Variants in HK1 observed in about 807,000 individuals in gnomAD.
HK1 encodes hexokinase 1, also known as hexokinase-1.
A neutral mutation model predicts 91.6 loss-of-function variants in HK1; 28 were observed. The observed-to-expected ratio is 0.31, with a 90% CI of 0.23 to 0.42. HK1 has a LOEUF of 0.42. Ranked by LOEUF, HK1 falls within the 10% of genes least tolerant of loss-of-function variation. The pLI is 1.00. For synonymous variants in HK1, 430 were observed against 468.1 expected, an observed-to-expected ratio of 0.92 and a Z score of 1.05; for missense variants, 770 against 1,219.8, an observed-to-expected ratio of 0.63 and a Z score of 5.49.
At chr10:69,386,540 T>G in intron 13 of HK1, 122 bp downstream of exon 13, 1 of 715,302 alleles carries the variant, frequency 1.4e-6, no homozygotes, top group South Asian at 1.5e-5. Flanking sequence ...TCCCAGCACT[T>G]TGGGAGGCCG....
chr10:69,335,113 T>A (rs1445939480), intron 1 of HK1, among the ~76,000 whole-genome samples: 1 of 152,090 alleles, frequency 6.6e-6, no homozygotes, highest in Non-Finnish European at 1.5e-5. Flanking sequence ...TTTCCCTCCC[T>A]GCTCAGAGAC....
At chr10:69,373,069 A>G in intron 7 of HK1, among the ~76,000 whole-genome samples, 1 of 152,142 alleles carries the variant, frequency 6.6e-6, no homozygotes, top group East Asian at 1.9e-4. Flanking sequence ...GGGTTTCACC[A>G]TGTTAGCCAG....
intron 16 of HK1, 63 bp downstream of exon 16, chr10:69,395,168 G>A: frequency 1.3e-6 from 2 of 1,546,830 alleles, no homozygotes; most frequent in Middle Eastern, 3.5e-4. Context: ...CTGGTGGATT[G>A]TGATGGGGGT....
intron 1 of HK1, among the ~76,000 whole-genome samples, chr10:69,278,241 A>T (rs1326307195): frequency 2.0e-5 from 3 of 152,204 alleles, no homozygotes; most frequent in Non-Finnish European, 4.4e-5. Flanking sequence ...CATCTGAAGC[A>T]CTTGCTGTAA....
chr10:69,338,488 C>G lies in HK1; in HGVS notation c.64-5339C>G, dbSNP rs1278633879. 13 of 1,286,692 alleles carry G rather than the reference C, an allele frequency of 1.0e-5. No individual in the cohort carries two copies. In the Admixed American group the frequency reaches 3.0e-4, roughly 30 times the overall value. The allele number at this position is 1,286,692 out of a possible 1,614,324, so 79.7% of individuals were successfully genotyped here. A position where few individuals can be genotyped will look rare whatever the true frequency, so the allele number is the denominator to read the frequency against. On this transcript the variant is annotated intron_variant, in intron 1 of 17. Coordinates refer to ENST00000359426, the MANE Select transcript of HK1 (RefSeq NM_000188.3). Reference sequence around the variant, plus strand: ...TGTCATGACTCCTGGGAACCTCTGTCTTCTGATAGATGGTCCACAGACCGA... The same window carrying G: ...TGTCATGACTCCTGGGAACCTCTGTGTTCTGATAGATGGTCCACAGACCGA...
At chr10:69,320,988 G>A (rs528062260) in intron 1 of HK1, among the ~76,000 whole-genome samples, 1 of 152,270 alleles carries the variant, frequency 6.6e-6, no homozygotes, top group South Asian at 2.1e-4. Flanking sequence ...CCGAGTTTGG[G>A]ATTCTGATGT....
At chr10:69,332,373 CTTTCTTTCTTTT>C (rs1278131297) in intron 1 of HK1, among the ~76,000 whole-genome samples, 1 of 150,786 alleles carries the variant, frequency 6.6e-6, no homozygotes, top group Non-Finnish European at 1.5e-5. Context: ...TTCTTTCTTT[CTTTCTTTCTTTT>C]TTTCTTTTTT....
intron 1 of HK1, among the ~76,000 whole-genome samples, chr10:69,279,668 T>C (rs148496163): frequency 1.1e-4 from 17 of 152,320 alleles, no homozygotes; most frequent in African/African-American, 4.1e-4. Context: ...TTTAAATATG[T>C]AGTCCAAAAA....
chr10:69,318,721 A>C, upstream of HK1: 1 of 770,336 alleles, frequency 1.3e-6, no homozygotes, highest in South Asian at 2.6e-5. Flanking sequence ...CGCCGCAACC[A>C]ATGGGCGTGG....
At chr10:69,375,817 C>A (rs1485856178) in intron 7 of HK1, among the ~76,000 whole-genome samples, 1 of 152,178 alleles carries the variant, frequency 6.6e-6, no homozygotes, top group Admixed American at 6.5e-5. Flanking sequence ...GCATCGAGCC[C>A]TGGTTCTTGC....
intron 4 of HK1, among the ~76,000 whole-genome samples, chr10:69,367,663 G>A (rs1438165083): frequency 2.6e-5 from 4 of 152,136 alleles, no homozygotes; most frequent in Non-Finnish European, 2.9e-5. Context: ...GAGCTGGGGC[G>A]GGGCCCATGT....
chr10:69,389,342 G>A, intron 14 of HK1, 46 bp downstream of exon 14: 2 of 1,443,954 alleles, frequency 1.4e-6, no homozygotes, highest in South Asian at 2.4e-5. Flanking sequence ...GGAAGGCTGG[G>A]GTTTCCCCGT....
chr10:69,295,269 C>CTCTCCA, intron 3 of HK1, among the ~76,000 whole-genome samples: 1 of 152,152 alleles, frequency 6.6e-6, no homozygotes, highest in Non-Finnish European at 1.5e-5. Flanking sequence ...GCCGCAGCTC[C>CTCTCCA]GGTGCTGCTG....
chr10:69,292,977 G>T (rs1845366994), intron 3 of HK1, among the ~76,000 whole-genome samples: 1 of 152,206 alleles, frequency 6.6e-6, no homozygotes, highest in African/African-American at 2.4e-5. Flanking sequence ...TAGGTGGAAA[G>T]GTGGGGTGAG....
chr10:69,372,263 C>G (rs540673224), intron 7 of HK1, among the ~76,000 whole-genome samples: 231 of 152,314 alleles, frequency 1.5e-3, no homozygotes, highest in African/African-American at 5.4e-3. Context: ...GGGACACAGC[C>G]AAACCATATC....
chr10:69,349,413 G>A (rs1848729426), intron 2 of HK1, among the ~76,000 whole-genome samples: 1 of 152,148 alleles, frequency 6.6e-6, no homozygotes, highest in Non-Finnish European at 1.5e-5. Flanking sequence ...ATCCTCATCA[G>A]TCTTATGATA....
At chr10:69,307,217 G>C (rs1200114862) in intron 5 of HK1, among the ~76,000 whole-genome samples, 1 of 152,118 alleles carries the variant, frequency 6.6e-6, no homozygotes. Flanking sequence ...ACAGAAAACA[G>C]CGAGAGAGGA....
chr10:69,364,930 C>T (rs1589545424), intron 4 of HK1, 28 bp downstream of exon 4: 1 of 1,613,828 alleles, frequency 6.2e-7, no homozygotes, highest in Non-Finnish European at 8.5e-7. Context: ...TTATCGGGCT[C>T]TGCAGATGCC....
At chr10:69,319,060 C>T in intron 1 of HK1, 50 bp downstream of exon 1, 1 of 1,560,274 alleles carries the variant, frequency 6.4e-7, no homozygotes, top group Non-Finnish European at 8.7e-7. Flanking sequence ...CCTTGCGTTC[C>T]GGCATCCGCT....
Sources: allele counts gnomAD v4.1 joint callset (sites outside exome capture counted in the v4.1 genomes callset), GRCh38; gene constraint gnomAD v4.1.1; transcripts MANE v1.5; gene names NCBI Gene and HGNC (gene_info 2026-07-23, HGNC 2026-07-21).